C2: variants seen among roughly 807,000 people sequenced by gnomAD.
The protein encoded by C2 is C3/C5 convertase.
Under a neutral mutation model 85.2 loss-of-function variants are expected in C2, and 64 were observed. The ratio of observed to expected loss-of-function variants is 0.75; its 90% CI spans 0.61 to 0.92. The LOEUF (loss-of-function observed/expected upper bound fraction) is 0.92. C2 is among the 40% of genes least tolerant of loss of function. C2 has a pLI of 0.00. For synonymous variants in C2, 311 were observed against 370.8 expected, an observed-to-expected ratio of 0.84 and a Z score of 1.85; for missense variants, 820 against 971.6, an observed-to-expected ratio of 0.84 and a Z score of 2.07.
chr6:31,943,501 A>C lies in C2; in HGVS notation c.1541A>C (p.Asp514Ala). ...TAAHCFRDGN[D>A]HSLWRVNVGD... Reference sequence around the variant, plus strand: ...GCTCATTGCTTCCGCGATGGCAACGACCACTCCCTGTGGAGGGTCAATGTG... The same window carrying C: ...GCTCATTGCTTCCGCGATGGCAACGCCCACTCCCTGTGGAGGGTCAATGTG... Residue 514 changes from aspartate to alanine, a missense_variant, in exon 12 of 18, where the codon GAC becomes GCC. By Grantham distance (126) the Asp-to-Ala change is moderately radical. Transcript: ENST00000299367. This position sits in a 1 kb window ranked among gnomAD's most constrained non-coding sequence, Gnocchi z 6.4. 1.2e-6 allele frequency: 2 copies of C among 1,612,964 alleles called. No homozygotes were observed. Among genetic ancestry groups the C allele is most frequent in the Non-Finnish European group, 1.7e-6 (2 of 1,179,990 alleles).
intron 1 of C2, among the ~76,000 whole-genome samples, chr6:31,911,449 TTAGA>T (rs769444508): frequency 5.8e-4 from 89 of 152,178 alleles, no homozygotes; most frequent in Non-Finnish European, 1.1e-3. Flanking sequence ...GGGGAAAGTT[TTAGA>T]TAGCAGCATA....
intron 3 of C2, among the ~76,000 whole-genome samples, chr6:31,933,085 C>T (rs895944247): frequency 2.8e-5 from 4 of 143,550 alleles, no homozygotes; most frequent in Non-Finnish European, 6.4e-5. Flanking sequence ...AGCTTCGGCT[C>T]GGCATCAGAG....
upstream of C2, among the ~76,000 whole-genome samples, chr6:31,926,927 C>T (rs1769305483): frequency 6.6e-6 from 1 of 152,190 alleles, no homozygotes; most frequent in Admixed American, 6.5e-5. Flanking sequence ...TTGCTTCCTG[C>T]ATTTCATACA....
At chr6:31,939,811 G>A (rs1379563519) in intron 9 of C2, among the ~76,000 whole-genome samples, 6 of 151,800 alleles carry the variant, frequency 4.0e-5, no homozygotes, top group Non-Finnish European at 7.4e-5. Flanking sequence ...GAATCTTGCC[G>A]TGTTGCCCAG....
At chr6:31,934,341 GCTCA>G (rs1227671925) in intron 6 of C2, 42 bp downstream of exon 6, 14 of 1,613,084 alleles carry the variant, frequency 8.7e-6, no homozygotes, top group Middle Eastern at 3.3e-4. Context: ...GCCTTCCTGT[GCTCA>G]CTATCTCTCT....
rs1382126951 is a variant in C2 at position 31,920,573 on chromosome 6, G to T, written c.-100+547G>T. On this transcript the variant is annotated intron_variant, in intron 1 of 3. Transcript: ENST00000413154. This position sits in a 1 kb window ranked among gnomAD's most constrained non-coding sequence, Gnocchi z 5.6. ...GTTGTGTTTACCACCCTCTTACCTGGGTTACCCAGGGCAGCTCCCCTGATG... is the reference window on the plus strand; with the variant it reads ...GTTGTGTTTACCACCCTCTTACCTGTGTTACCCAGGGCAGCTCCCCTGATG... 2.6e-5 allele frequency among the ~76,000 whole-genome samples: 4 copies of T among 152,000 alleles called. No homozygotes were observed. The highest frequency in any genetic ancestry group is 5.9e-5 in the Non-Finnish European group (4 of 67,992).
intron 1 of C2, among the ~76,000 whole-genome samples, chr6:31,913,298 G>C (rs1168330082): frequency 6.6e-6 from 1 of 151,316 alleles, no homozygotes; most frequent in Non-Finnish European, 1.5e-5. Flanking sequence ...CATCTTGGCT[G>C]GGCACAGTGG....
Position 31,945,274 on chromosome 6 carries a change from C to G in C2, c.2176C>G (p.Arg726Gly), listed in dbSNP as rs575013894. The G allele has an allele frequency of 4.3e-6, 7 of 1,613,042 alleles. No homozygotes were observed. Among genetic ancestry groups the G allele is most frequent in the Non-Finnish European group, 5.9e-6 (7 of 1,180,020 alleles). ...CCCTCGTAGCAAGGTCCCGCCGCCA[C>G]GAGACTTTCACATCAATCTCTTCCG... ...RAPRSKVPPPRDFHINLFRMQ... is the reference protein window; with the variant it reads ...RAPRSKVPPPGDFHINLFRMQ... Residue 726 changes from arginine (R) to glycine (G), a missense_variant, in exon 18 of 18, where the codon CGA (arginine) becomes GGA (glycine). Transcript: ENST00000299367. The surrounding 1 kb of genome is among the most constrained non-coding windows in gnomAD (Gnocchi z 5.3).
intron 1 of C2, among the ~76,000 whole-genome samples, chr6:31,907,140 T>TA (rs3037250): frequency 0.021 from 2,908 of 139,588 alleles, 99 homozygotes; most frequent in African/African-American, 0.066. Context: ...AACTCTGTCT[T>TA]AAAAAAAAAA....
At chr6:31,897,793 C>A, upstream of C2, 1 of 992,172 alleles carries the variant, frequency 1.0e-6, no homozygotes, top group Non-Finnish European at 1.2e-6. Context: ...GCCATTTTCC[C>A]CTGAGAGCGG....
At chr6:31,937,250 A>T in intron 7 of C2, 69 bp from the exon 8 acceptor site, 2 of 1,471,022 alleles carry the variant, frequency 1.4e-6, no homozygotes, top group Non-Finnish European at 1.9e-6. Context: ...GGGGGAATAG[A>T]GTGATTCCCT....
At chr6:31,928,642 T>C (rs1769461306) in intron 2 of C2, 90 bp from the exon 3 acceptor site, 2 of 1,292,874 alleles carry the variant, frequency 1.5e-6, no homozygotes, top group Admixed American at 1.8e-5. Context: ...ACCATTCCCA[T>C]GCATTCCAGC....
Position 31,945,495 on chromosome 6 carries a change from C to T in C2, c.*138C>T. 9.6e-6 allele frequency: 8 copies of T among 833,902 alleles called. No individual in the cohort carries two copies. In the South Asian group the frequency reaches 1.2e-4, roughly 12 times the overall value. 51.7% of individuals were successfully genotyped at this position (833,902 alleles called of 1,614,324 possible). A position where few individuals can be genotyped will look rare whatever the true frequency, so the allele number is the denominator to read the frequency against. On this transcript the variant is annotated 3_prime_UTR_variant, in exon 18 of 18. Transcript: ENST00000299367. The surrounding 1 kb of genome is among the most constrained non-coding windows in gnomAD (Gnocchi z 5.3). ...ATCCGGGTCTCTAGGATGCCAGAGG[C>T]AGCGCACACAAGCTGGGAAATCCTC...
At chr6:31,925,237 C>T (rs1200547896), upstream of C2, among the ~76,000 whole-genome samples, 4 of 152,094 alleles carry the variant, frequency 2.6e-5, no homozygotes, top group Admixed American at 2.6e-4. Context: ...ATTAAAATAA[C>T]AAAGGTTTAT....
chr6:31,900,388 C>A, upstream of C2: 1 of 1,544,714 alleles, frequency 6.5e-7, no homozygotes, highest in Non-Finnish European at 8.7e-7. The surrounding 1 kb of genome is among the most constrained non-coding windows in gnomAD (Gnocchi z 9.7). Context: ...TGCCCCCCGC[C>A]CCCCGGGCAG....
intron 3 of C2, among the ~76,000 whole-genome samples, chr6:31,933,020 G>A (rs1582086649): frequency 1.3e-5 from 2 of 152,368 alleles, no homozygotes; most frequent in African/African-American, 4.8e-5. Context: ...GCAAGCTGAG[G>A]CAGGAGAATC....
chr6:31,943,298 AC>A lies in C2; in HGVS notation c.1437del (p.Trp480GlyfsTer24). 6.2e-7 allele frequency: 1 copy of A among 1,612,820 alleles called. No homozygotes were observed. Among genetic ancestry groups the A allele is most frequent in the South Asian group, 1.1e-5 (1 of 91,080 alleles). On this transcript the variant is annotated frameshift_variant, in exon 11 of 18. Coordinates refer to ENST00000299367, the MANE Select transcript of C2 (RefSeq NM_000063.6). LOFTEE classifies it high-confidence loss of function. The surrounding 1 kb of genome is among the most constrained non-coding windows in gnomAD (Gnocchi z 6.4). ...SANASDQERT[P>X]WHVTIKPKSQ... ...CAAACGCCTCTGACCAGGAGAGGACACCCTGGCATGTCACTATTAAGGTACC... is the reference window on the plus strand; with the variant it reads ...CAAACGCCTCTGACCAGGAGAGGACACCTGGCATGTCACTATTAAGGTACC...
chr6:31,925,073 C>T (rs1415942346), upstream of C2, among the ~76,000 whole-genome samples: 1 of 152,146 alleles, frequency 6.6e-6, no homozygotes, highest in African/African-American at 2.4e-5. Context: ...ACCTGCTGTC[C>T]TACTGTTAAC....
In C2 at chr6:31,944,852, G is replaced by C. The variant is rs1771239598; in HGVS notation, c.2028G>C (p.Lys676Asn). ...CCCAGGAGGATGAGAGTCCCTGCAA[G>C]GGTGAGTCCCTCACCATGCCTGGAT... ...SGTQEDESPC[K>N]GESGGAVFLE... Residue 676 changes from lysine to asparagine, a missense_variant and splice_region_variant, in exon 16 of 18, where the codon AAG (lysine) becomes AAC (asparagine). Transcript: ENST00000299367. This position sits in a 1 kb window ranked among gnomAD's most constrained non-coding sequence, Gnocchi z 5.1. 4.3e-6 allele frequency: 7 copies of C among 1,613,056 alleles called. No homozygotes were observed. Among genetic ancestry groups the C allele is most frequent in the Non-Finnish European group, 5.9e-6 (7 of 1,180,020 alleles).
Sources: gnomAD v4.1 joint callset for allele counts (sites outside exome capture counted in the v4.1 genomes callset) on GRCh38, gnomAD v4.1.1 for gene constraint, Gnocchi (gnomAD v3.1) non-coding constraint, MANE v1.5 for transcripts, NCBI Gene and HGNC (gene_info 2026-07-23, HGNC 2026-07-21) for gene names.